KCNIP1: variants seen among roughly 807,000 people sequenced by gnomAD.
KCNIP1 encodes the protein potassium voltage-gated channel interacting protein 1.
A neutral mutation model predicts 33.0 loss-of-function variants in KCNIP1; 18 were observed. That is an observed-to-expected ratio of 0.55 (90% CI 0.38 to 0.81). KCNIP1 has a LOEUF of 0.81. KCNIP1 is among the 30% of genes least tolerant of loss of function. The pLI is 0.00. For synonymous variants in KCNIP1, 93 were observed against 98.3 expected, an observed-to-expected ratio of 0.95 and a Z score of 0.32; for missense variants, 238 against 271.6, an observed-to-expected ratio of 0.88 and a Z score of 0.87.
intron 1 of KCNIP1, among the ~76,000 whole-genome samples, chr5:170,604,818 C>G (rs1758841662): frequency 6.6e-6 from 1 of 152,246 alleles, no homozygotes; most frequent in Non-Finnish European, 1.5e-5. Context: ...GGTTCAGCCC[C>G]CCCAGGAGAG....
At chr5:170,476,112 A>G (rs1263887524) in intron 1 of KCNIP1, among the ~76,000 whole-genome samples, 1 of 152,052 alleles carries the variant, frequency 6.6e-6, no homozygotes, top group Non-Finnish European at 1.5e-5. Flanking sequence ...CTGTGACTAC[A>G]GGCCTGTGCC....
At chr5:170,534,300 T>A (rs78552796) in intron 1 of KCNIP1, among the ~76,000 whole-genome samples, 4,859 of 152,222 alleles carry the variant, frequency 0.032, 268 homozygotes, top group African/African-American at 0.11. Context: ...GTCTGTGGTT[T>A]GTCCCCATAG....
chr5:170,586,656 T>C (rs1006792961), intron 1 of KCNIP1, among the ~76,000 whole-genome samples: 5 of 152,224 alleles, frequency 3.3e-5, no homozygotes, highest in African/African-American at 1.2e-4. Flanking sequence ...AATGAAGCCA[T>C]GCTCACAAAG....
intron 1 of KCNIP1, among the ~76,000 whole-genome samples, chr5:170,420,846 C>T (rs1486918160): frequency 6.6e-6 from 1 of 152,162 alleles, no homozygotes; most frequent in African/African-American, 2.4e-5. Context: ...ATTCAGTCTT[C>T]GAAGTCAGTG....
chr5:170,425,329 G>A (rs1474081143), intron 1 of KCNIP1, among the ~76,000 whole-genome samples: 1 of 152,202 alleles, frequency 6.6e-6, no homozygotes, highest in Non-Finnish European at 1.5e-5. Context: ...CAAGTTGGGT[G>A]AACCCTGACC....
intron 1 of KCNIP1, among the ~76,000 whole-genome samples, chr5:170,445,109 G>A (rs1181184598): frequency 6.6e-6 from 1 of 152,236 alleles, no homozygotes; most frequent in Admixed American, 6.5e-5. Flanking sequence ...TGATGAACAA[G>A]GTACATGTGC....
At chr5:170,661,934 G>T (rs1761512077) in intron 1 of KCNIP1, among the ~76,000 whole-genome samples, 1 of 152,054 alleles carries the variant, frequency 6.6e-6, no homozygotes, top group South Asian at 2.1e-4. Context: ...AGCTTTCCTT[G>T]CAAGGCTCGA....
chr5:170,504,918 T>A lies in KCNIP1; in HGVS notation c.61+285T>A, dbSNP rs148162268. ...TCTCTGAGAGCCGAAGGAAGCGGCA[T>A]GTTCACAGGTGGGGGTGACCGGATT... On this transcript the variant is annotated intron_variant, in intron 1 of 7. Coordinates refer to ENST00000328939, the MANE Select transcript of KCNIP1 (RefSeq NM_014592.4). This position sits in a 1 kb window ranked among gnomAD's most constrained non-coding sequence, Gnocchi z 6.0. Among the ~76,000 whole-genome samples, 876 of 152,302 alleles carry A rather than the reference T, an allele frequency of 5.8e-3. 2 individuals carry two copies. Among genetic ancestry groups the A allele is most frequent in the East Asian group, 0.018 (92 of 5,178 alleles).
At chr5:170,554,365 A>G (rs932389877) in intron 1 of KCNIP1, among the ~76,000 whole-genome samples, 2 of 152,034 alleles carry the variant, frequency 1.3e-5, no homozygotes, top group African/African-American at 2.4e-5. Flanking sequence ...GACTTGCTCG[A>G]TGTTTATTTT....
At chr5:170,525,144 C>T (rs1755521288) in intron 1 of KCNIP1, among the ~76,000 whole-genome samples, 1 of 152,212 alleles carries the variant, frequency 6.6e-6, no homozygotes, top group Non-Finnish European at 1.5e-5. Flanking sequence ...AAAGAACCCA[C>T]GCCTGGGAGC....
intron 1 of KCNIP1, among the ~76,000 whole-genome samples, chr5:170,675,006 C>G (rs1762075248): frequency 1.3e-5 from 2 of 151,360 alleles, no homozygotes. Flanking sequence ...CAGCATCTGT[C>G]TAAAATTGCT....
chr5:170,384,370 T>G (rs1011760215), intron 1 of KCNIP1, among the ~76,000 whole-genome samples: 15 of 152,202 alleles, frequency 9.9e-5, no homozygotes, highest in African/African-American at 3.6e-4. Flanking sequence ...GCTGTGTTCT[T>G]TCCCCTAAAA....
chr5:170,404,676 A>C (rs564777674), intron 1 of KCNIP1, among the ~76,000 whole-genome samples: 1 of 152,268 alleles, frequency 6.6e-6, no homozygotes, highest in African/African-American at 2.4e-5. Context: ...TCCAAGCTTG[A>C]AACTCACACT....
intron 1 of KCNIP1, among the ~76,000 whole-genome samples, chr5:170,563,576 T>C (rs1215701521): frequency 6.6e-6 from 1 of 152,208 alleles, no homozygotes; most frequent in Non-Finnish European, 1.5e-5. Context: ...GAATGCAAAG[T>C]CATAAGCACA....
At chr5:170,607,130 C>T (rs963015949) in intron 1 of KCNIP1, among the ~76,000 whole-genome samples, 9 of 152,300 alleles carry the variant, frequency 5.9e-5, no homozygotes, top group South Asian at 4.1e-4. Flanking sequence ...CCGTCTGTCG[C>T]GCTTCTGTTG....
At chr5:170,517,917 G>A (rs899256546) in intron 1 of KCNIP1, among the ~76,000 whole-genome samples, 1 of 150,550 alleles carries the variant, frequency 6.6e-6, no homozygotes, top group East Asian at 2.0e-4. Flanking sequence ...TTATGGAGGC[G>A]GTGATGGTGA....
intron 1 of KCNIP1, among the ~76,000 whole-genome samples, chr5:170,420,860 A>G (rs1755469884): frequency 6.6e-6 from 1 of 152,168 alleles, no homozygotes; most frequent in Non-Finnish European, 1.5e-5. Flanking sequence ...GTCAGTGGGT[A>G]TTTTAACCTT....
intron 1 of KCNIP1, among the ~76,000 whole-genome samples, chr5:170,559,388 A>G (rs1442835523): frequency 6.6e-6 from 1 of 152,176 alleles, no homozygotes; most frequent in African/African-American, 2.4e-5. Flanking sequence ...AGTATCTAGC[A>G]TACGAACTGT....
chr5:170,729,529 G>A (rs1488765813), intron 5 of KCNIP1, among the ~76,000 whole-genome samples: 3 of 151,824 alleles, frequency 2.0e-5, no homozygotes, highest in Admixed American at 1.3e-4. Flanking sequence ...AAATCTACAC[G>A]AATATATAAA....
Sources: allele counts gnomAD v4.1 joint callset (sites outside exome capture counted in the v4.1 genomes callset), GRCh38; gene constraint gnomAD v4.1.1; non-coding constraint Gnocchi (gnomAD v3.1); transcripts MANE v1.5; gene names NCBI Gene and HGNC (gene_info 2026-07-23, HGNC 2026-07-21).